STRN: variants seen among roughly 807,000 people sequenced by gnomAD.
STRN encodes protein phosphatase 2 regulatory subunit B'''alpha.
STRN carries 53 observed loss-of-function variants against 96.3 expected under a neutral mutation model. The observed-to-expected ratio is 0.55, with a 90% CI of 0.44 to 0.69. STRN has a LOEUF of 0.69. Ranked by LOEUF, STRN falls within the 30% of genes least tolerant of loss-of-function variation. The probability of loss-of-function intolerance (pLI) is 0.00; values close to 1 mark genes in which losing one functional copy is unlikely to be tolerated. For missense variants in STRN, 987 were observed against 963.9 expected (o/e 1.02, Z -0.32); for synonymous variants, 428 against 355.9 (o/e 1.20, Z -2.28).
In STRN at chr2:36,842,749, AAACT is replaced by A. The variant is rs768055420; in HGVS notation, c.*6703_*6706del. Among the ~76,000 whole-genome samples the A allele has an allele frequency of 6.6e-6, 1 of 152,198 alleles. No individual in the cohort carries two copies. Among genetic ancestry groups the A allele is most frequent in the Non-Finnish European group, 1.5e-5 (1 of 68,034 alleles). On this transcript the variant is annotated 3_prime_UTR_variant, in exon 18 of 18. Coordinates refer to ENST00000263918, the MANE Select transcript of STRN (RefSeq NM_003162.4). ...TGGGTTTTGAATCATTTGATATACA[AAACT>A]TACTGAGTTAAAATTTGTGTTTCAG...
chr2:36,850,491 G>T, intron 16 of STRN, among the ~76,000 whole-genome samples: 1 of 152,096 alleles, frequency 6.6e-6, no homozygotes, highest in East Asian at 1.9e-4. Flanking sequence ...ATACAGAAAA[G>T]ATTAGTCTAT....
chr2:36,839,668 T>C lies in STRN; in HGVS notation c.*9788A>G, dbSNP rs975379300. ...ATCTAACAGACAATAAATGTCCTAT[T>C]GTCCAGGCCAAATTCCTGCTTTCTT... On this transcript the variant is annotated 3_prime_UTR_variant, in exon 18 of 18. Coordinates refer to ENST00000263918, the MANE Select transcript of STRN (RefSeq NM_003162.4). Among the ~76,000 whole-genome samples the C allele has an allele frequency of 6.6e-6, 1 of 152,218 alleles. No homozygotes were observed. Among genetic ancestry groups the C allele is most frequent in the Non-Finnish European group, 1.5e-5 (1 of 68,028 alleles).
chr2:36,947,223 T>C (rs1233675097), intron 1 of STRN, among the ~76,000 whole-genome samples: 1 of 152,084 alleles, frequency 6.6e-6, no homozygotes, highest in Non-Finnish European at 1.5e-5. Context: ...AAAGTCAATA[T>C]AAATAAATTC....
At chr2:36,854,968 A>G (rs765578847) in intron 15 of STRN, among the ~76,000 whole-genome samples, 2 of 152,236 alleles carry the variant, frequency 1.3e-5, no homozygotes, top group Non-Finnish European at 2.9e-5. Flanking sequence ...ATCATTTAGT[A>G]TAAAATAAAA....
chr2:36,855,687 T>G (rs866495355), intron 14 of STRN, among the ~76,000 whole-genome samples: 5 of 152,154 alleles, frequency 3.3e-5, no homozygotes, highest in African/African-American at 1.2e-4. Context: ...TAGAGTGACA[T>G]AGTGGGAATT....
rs1558633725 is a variant in STRN, at chr2:36,877,877, AAAC to A, written c.1323+11_1323+13del. The A allele has an allele frequency of 5.0e-6, 8 of 1,612,324 alleles. No individual in the cohort carries two copies. In the Admixed American group the frequency reaches 6.7e-5, roughly 14 times the overall value. ...AAACCAAGTAAACACAACAAAAACA[AAAC>A]TACTACTTACATCATAAGTTAGTGA... On this transcript the variant is annotated intron_variant, in intron 10 of 17. Transcript: ENST00000263918.
At chr2:36,885,079 T>G (rs147582240) in intron 8 of STRN, among the ~76,000 whole-genome samples, 284 of 152,262 alleles carry the variant, frequency 1.9e-3, no homozygotes, top group African/African-American at 6.5e-3. Flanking sequence ...GTGCTAGATG[T>G]CTGAACACAT....
chr2:36,899,378 A>G (rs1191009329), intron 6 of STRN, 145 bp downstream of exon 6: 1 of 707,146 alleles, frequency 1.4e-6, no homozygotes, highest in Non-Finnish European at 2.1e-6. Context: ...TGAAATCAGT[A>G]TTACAAACTC....
chr2:36,928,323 A>T (rs1233081758), intron 1 of STRN, among the ~76,000 whole-genome samples: 1 of 152,128 alleles, frequency 6.6e-6, no homozygotes, highest in Non-Finnish European at 1.5e-5. Flanking sequence ...CAGCAAAAGG[A>T]AGAAAAAAAG....
chr2:36,923,279 T>C (rs538181529), intron 2 of STRN, among the ~76,000 whole-genome samples: 2 of 151,290 alleles, frequency 1.3e-5, no homozygotes, highest in South Asian at 2.1e-4. Flanking sequence ...TGAAACCCTG[T>C]CTCTACTAAA....
chr2:36,872,603 A>C (rs1401316792), intron 10 of STRN, among the ~76,000 whole-genome samples: 2 of 152,226 alleles, frequency 1.3e-5, no homozygotes, highest in East Asian at 3.8e-4. Context: ...TATTATTATG[A>C]AACCAGGAAC....
rs1038780751 is a variant in STRN, at chr2:36,845,444, A to T, written c.*4012T>A. ...TGGCAGCAATGACAAAGAGGTAGAT[A>T]TGAGAGATGCTTTTTAAATATTTTA... On this transcript the variant is annotated 3_prime_UTR_variant, in exon 18 of 18. Coordinates refer to ENST00000263918, the MANE Select transcript of STRN (RefSeq NM_003162.4). 5 of 152,296 alleles carry T rather than the reference A, an allele frequency of 3.3e-5. No homozygotes were observed. The highest frequency in any genetic ancestry group is 1.2e-4 in the African/African-American group (5 of 41,562). 9.4% of individuals were successfully genotyped at this position (152,296 alleles called of 1,614,324 possible).
At chr2:36,937,235 T>C (rs1436551177) in intron 1 of STRN, among the ~76,000 whole-genome samples, 1 of 151,174 alleles carries the variant, frequency 6.6e-6, no homozygotes, top group Non-Finnish European at 1.5e-5. Context: ...TCCCAGCTAC[T>C]TGGGAAGCTG....
intron 8 of STRN, 76 bp downstream of exon 8, chr2:36,886,640 A>G (rs1343340490): frequency 9.4e-6 from 11 of 1,175,948 alleles, no homozygotes; most frequent in African/African-American, 1.6e-5. Context: ...TAGATTTAGG[A>G]AAACATTGAA....
At chr2:36,915,503 G>A (rs987480604) in intron 3 of STRN, among the ~76,000 whole-genome samples, 1 of 151,710 alleles carries the variant, frequency 6.6e-6, no homozygotes, top group Non-Finnish European at 1.5e-5. Context: ...TATATTGTTT[G>A]ATGGTATGAA....
chr2:36,844,667 C>T lies in STRN; in HGVS notation c.*4789G>A, dbSNP rs899499168. 1.3e-5 allele frequency: 2 copies of T among 151,924 alleles called. No individual in the cohort carries two copies. Among genetic ancestry groups the T allele is most frequent in the South Asian group, 4.1e-4 (2 of 4,826 alleles). The allele number at this position is 151,924 out of a possible 1,614,324, so 9.4% of individuals were successfully genotyped here. On this transcript the variant is annotated 3_prime_UTR_variant, in exon 18 of 18. Transcript: ENST00000263918. ...GGATCTAGGGATCTGTTTGGCCTAA[C>T]ATTTGTTTTTTTTAGAATTAAAAAA...
In STRN at chr2:36,868,246, A is replaced by G. The variant is rs188738125; in HGVS notation, c.1500-385T>C. ...TGAACTTCAGATTACTCCGTTTAAAACAAAACAGAAAAATGGGAATAACAC... is the reference window on the plus strand; with the variant it reads ...TGAACTTCAGATTACTCCGTTTAAAGCAAAACAGAAAAATGGGAATAACAC... On this transcript the variant is annotated intron_variant, in intron 11 of 17. Coordinates refer to ENST00000263918, the MANE Select transcript of STRN (RefSeq NM_003162.4). Among the ~76,000 whole-genome samples, 402 of 120,518 alleles carry G rather than the reference A, an allele frequency of 3.3e-3. 3 individuals are homozygous for G. The highest frequency in any genetic ancestry group is 6.1e-3 in the Non-Finnish European group (296 of 48,404). The allele number at this position is 120,518 out of a possible 152,430, so 79.1% of individuals were successfully genotyped here.
chr2:36,939,448 T>C (rs959352922), intron 1 of STRN, among the ~76,000 whole-genome samples: 43 of 152,290 alleles, frequency 2.8e-4, no homozygotes, highest in African/African-American at 1.0e-3. Context: ...ATTCGCATTA[T>C]ATATCTTAAT....
rs961283122 is a variant in STRN at position 36,848,715 on chromosome 2, A to G, written c.*741T>C. ...AAATCTGTTAGTAAAAGCAGAGTCG[A>G]TCAACTATTCTTCACAATGGTGAGT... is the stretch of plus-strand genomic sequence containing the variant. On this transcript the variant is annotated 3_prime_UTR_variant, in exon 18 of 18. Transcript: ENST00000263918. 4.6e-5 allele frequency: 7 copies of G among 152,298 alleles called. No homozygotes were observed. Among genetic ancestry groups the G allele is most frequent in the African/African-American group, 1.7e-4 (7 of 41,462 alleles). 9.4% of individuals were successfully genotyped at this position (152,298 alleles called of 1,614,324 possible). A position where few individuals can be genotyped will look rare whatever the true frequency, so the allele number is the denominator to read the frequency against.
Sources: allele counts gnomAD v4.1 joint callset (sites outside exome capture counted in the v4.1 genomes callset), GRCh38; gene constraint gnomAD v4.1.1; transcripts MANE v1.5; gene names NCBI Gene and HGNC (gene_info 2026-07-23, HGNC 2026-07-21).